The following DLG5 variants were observed in gnomAD, a reference collection of about 807,000 sequenced individuals.
DLG5 encodes the protein disks large homolog 5.
A neutral mutation model predicts 189.8 loss-of-function variants in DLG5; 48 were observed. That is an observed-to-expected ratio of 0.25 (90% confidence interval 0.20 to 0.32). The LOEUF (loss-of-function observed/expected upper bound fraction) is 0.32. Ranked by LOEUF, DLG5 falls within the 10% of genes least tolerant of loss-of-function variation. The probability of loss-of-function intolerance (pLI) is 1.00; values close to 1 mark genes in which losing one functional copy is unlikely to be tolerated. For synonymous variants in DLG5, 1,016 were observed against 1,054.1 expected, an observed-to-expected ratio of 0.96 and a Z score of 0.70; for missense variants, 2,160 against 2,544.7, an observed-to-expected ratio of 0.85 and a Z score of 3.25.
chr10:77,927,882 C>T (rs1246389855), upstream of DLG5: 1 of 152,268 alleles, frequency 6.6e-6, no homozygotes, highest in African/African-American at 2.4e-5. Flanking sequence ...CGCAGTGCTC[C>T]TCTGTAGAGT....
At chr10:77,879,047 T>A (rs973454707) in intron 1 of DLG5, among the ~76,000 whole-genome samples, 1 of 152,072 alleles carries the variant, frequency 6.6e-6, no homozygotes, top group Non-Finnish European at 1.5e-5. Flanking sequence ...ATGAACAGGG[T>A]GACAGGGGCG....
chr10:77,830,683 C>G, intron 10 of DLG5, 58 bp downstream of exon 10: 1 of 1,595,100 alleles, frequency 6.3e-7, no homozygotes, highest in Non-Finnish European at 8.6e-7. Flanking sequence ...GCAAGCGGGT[C>G]ACCGTCTCCT....
rs1846473506 is a variant in DLG5, at chr10:77,919,551, T to G, written c.304+6666A>C. On this transcript the variant is annotated intron_variant, in intron 1 of 31. Coordinates refer to ENST00000372391, the MANE Select transcript of DLG5 (RefSeq NM_004747.4). Reference sequence around the variant, plus strand: ...CTAAAAGGCTCTGCCAAGGTCAAGATTTTGCAGTTAGGAACAGATCTCCAG... The same window carrying G: ...CTAAAAGGCTCTGCCAAGGTCAAGAGTTTGCAGTTAGGAACAGATCTCCAG... 2.0e-5 allele frequency among the ~76,000 whole-genome samples: 3 copies of G among 147,574 alleles called. No homozygotes were observed. In the Admixed American group the frequency reaches 2.0e-4, roughly 10 times the overall value.
intron 2 of DLG5, 188 bp downstream of exon 2, chr10:77,868,941 C>T (rs528039551): frequency 1.7e-6 from 1 of 602,824 alleles, no homozygotes; most frequent in Non-Finnish European, 2.9e-6. Context: ...CTCACCTCCC[C>T]ACCTCCTTCT....
Position 77,821,444 on chromosome 10 carries a change from T to C in DLG5, c.3040A>G (p.Lys1014Glu). The C allele has an allele frequency of 4.3e-6, 7 of 1,612,756 alleles. No homozygotes were observed. Among genetic ancestry groups the C allele is most frequent in the Non-Finnish European group, 5.9e-6 (7 of 1,179,946 alleles). Residue 1014 changes from lysine (K) to glutamate (E), a missense_variant, in exon 15 of 32, where the codon AAA becomes GAA. By Grantham distance (56) the Lys-to-Glu change is moderately conservative (BLOSUM62 1). Transcript: ENST00000372391. Reference protein sequence around the residue: ...SKRAGPLTPPKPPRRSDSIKF... With the variant: ...SKRAGPLTPPEPPRRSDSIKF... ...ATGGAGTCGCTCCTTCTGGGAGGTT[T>C]TGGGGGTGTCAGAGGCCCCGCCCTC...
At chr10:77,844,169 C>T (rs1270608102) in intron 5 of DLG5, among the ~76,000 whole-genome samples, 1 of 152,160 alleles carries the variant, frequency 6.6e-6, no homozygotes, top group East Asian at 1.9e-4. Flanking sequence ...ACATGGCAGG[C>T]AGAAGTTCCT....
chr10:77,836,011 G>A, intron 7 of DLG5, 89 bp from the exon 8 acceptor site: 1 of 1,388,482 alleles, frequency 7.2e-7, no homozygotes, highest in Non-Finnish European at 9.8e-7. Flanking sequence ...CCAAGGCTGA[G>A]GCTCTAGGGA....
chr10:77,863,521 CTT>C (rs1844554954), intron 2 of DLG5, among the ~76,000 whole-genome samples: 1 of 152,164 alleles, frequency 6.6e-6, no homozygotes. Context: ...TTACAGTAAA[CTT>C]TTTAAAAACA....
In DLG5 at chr10:77,812,049, G is replaced by A. The variant is rs771788217; in HGVS notation, c.4197C>T (p.Gly1399=). The A allele has an allele frequency of 6.2e-6, 10 of 1,609,856 alleles. No individual in the cohort carries two copies. In the African/African-American group the frequency reaches 1.2e-4, roughly 19 times the overall value. Residue 1399 remains glycine, a synonymous_variant, in exon 22 of 32, where the codon GGC becomes GGT. Coordinates refer to ENST00000372391, the MANE Select transcript of DLG5 (RefSeq NM_004747.4). ...EYGDQLLEFN[G]INLRSATEQQ... Reference sequence around the variant, plus strand: ...GCTCCGTGGCGCTCCGCAGGTTTATGCCGTTGAACTGGGGAAACACCAGGA... The same window carrying A: ...GCTCCGTGGCGCTCCGCAGGTTTATACCGTTGAACTGGGGAAACACCAGGA...
intron 5 of DLG5, among the ~76,000 whole-genome samples, chr10:77,844,401 T>C (rs1344596287): frequency 1.3e-5 from 2 of 152,240 alleles, no homozygotes; most frequent in African/African-American, 4.8e-5. Context: ...TGTACTTTTG[T>C]TGTAATAAAT....
intron 2 of DLG5, among the ~76,000 whole-genome samples, chr10:77,859,449 G>A (rs1169205303): frequency 6.6e-6 from 1 of 152,168 alleles, no homozygotes; most frequent in Non-Finnish European, 1.5e-5. Context: ...TCATGTAAGT[G>A]CCCTGTACAG....
At chr10:77,815,656 T>C (rs1367534990) in intron 20 of DLG5, among the ~76,000 whole-genome samples, 1 of 152,070 alleles carries the variant, frequency 6.6e-6, no homozygotes, top group Non-Finnish European at 1.5e-5. Flanking sequence ...AGCAAAACTC[T>C]GTCTCAAAAA....
At chr10:77,875,414 G>C (rs1442496206) in intron 1 of DLG5, among the ~76,000 whole-genome samples, 2 of 152,106 alleles carry the variant, frequency 1.3e-5, no homozygotes, top group African/African-American at 4.8e-5. Flanking sequence ...CTATTCCCTG[G>C]GAATGGGCTC....
rs1568142309 is a variant in DLG5, at chr10:77,817,951, G to A, written c.3672-62C>T. ...AACCAGGAACAGATGTGGCCACTGG[G>A]GAGAAACACACAGACCAGGCAAGGG... On this transcript the variant is annotated intron_variant, in intron 17 of 31. Coordinates refer to ENST00000372391, the MANE Select transcript of DLG5 (RefSeq NM_004747.4). The A allele has an allele frequency of 2.9e-6, 4 of 1,361,808 alleles. No homozygotes were observed. In the East Asian group the frequency reaches 1.0e-4, roughly 34 times the overall value. 84.4% of individuals were successfully genotyped at this position (1,361,808 alleles called of 1,614,324 possible). A position where few individuals can be genotyped will look rare whatever the true frequency, so the allele number is the denominator to read the frequency against.
intron 2 of DLG5, among the ~76,000 whole-genome samples, chr10:77,865,341 A>AGT (rs1844632380): frequency 6.6e-6 from 1 of 152,298 alleles, no homozygotes; most frequent in East Asian, 1.9e-4. Flanking sequence ...ACAGGGCGTC[A>AGT]GTGGCAGCCC....
intron 1 of DLG5, among the ~76,000 whole-genome samples, chr10:77,916,513 A>C (rs1394302977): frequency 6.6e-6 from 1 of 151,228 alleles, no homozygotes. Context: ...GCTAGTCTCG[A>C]ACTCCTAGCC....
At chr10:77,846,797 G>A (rs1177643546) in intron 5 of DLG5, 5 of 450,012 alleles carry the variant, frequency 1.1e-5, no homozygotes, top group East Asian at 1.4e-4. Flanking sequence ...GGGGAACAAA[G>A]GAGGCTGTCA....
intron 2 of DLG5, among the ~76,000 whole-genome samples, chr10:77,862,502 TG>T (rs774716839): frequency 6.6e-6 from 1 of 152,244 alleles, no homozygotes; most frequent in Non-Finnish European, 1.5e-5. Flanking sequence ...CAAACACTGC[TG>T]ATGAGAATAC....
At chr10:77,857,446 C>T (rs1844290765) in intron 2 of DLG5, among the ~76,000 whole-genome samples, 1 of 152,226 alleles carries the variant, frequency 6.6e-6, no homozygotes, top group Admixed American at 6.5e-5. Context: ...GCAAGCCGTC[C>T]ACCCGCCTGA....
Sources: gnomAD v4.1 joint callset for allele counts (sites outside exome capture counted in the v4.1 genomes callset) on GRCh38, gnomAD v4.1.1 for gene constraint, MANE v1.5 for transcripts, NCBI Gene and HGNC (gene_info 2026-07-23, HGNC 2026-07-21) for gene names.